The following SPOCK2 variants were observed in gnomAD, a reference collection of about 807,000 sequenced individuals.
The protein encoded by SPOCK2 is testican-2.
A neutral mutation model predicts 60.1 loss-of-function variants in SPOCK2; 39 were observed. That is an observed-to-expected ratio of 0.65 (90% CI 0.50 to 0.85). The LOEUF (loss-of-function observed/expected upper bound fraction) is 0.85, where lower values mean the gene tolerates loss of function less well. Ranked by LOEUF, SPOCK2 falls within the 40% of genes least tolerant of loss-of-function variation. The pLI, the probability that SPOCK2 is intolerant of heterozygous loss-of-function variation, is 0.00. For missense variants in SPOCK2, 523 were observed against 567.4 expected (o/e 0.92, Z 0.80); for synonymous variants, 217 against 231.5 (o/e 0.94, Z 0.57).
chr10:72,068,151 A>T (rs1840596716), intron 6 of SPOCK2, 36 bp downstream of exon 6: 1 of 1,582,512 alleles, frequency 6.3e-7, no homozygotes, highest in Non-Finnish European at 8.6e-7. Context: ...GTGGCCCTTC[A>T]GCACCCCTAG....
rs899079750 is a variant in SPOCK2, at chr10:72,087,357, G to C, written c.189+783C>G. Among the ~76,000 whole-genome samples, 1 of 152,152 alleles carries C rather than the reference G, an allele frequency of 6.6e-6. No homozygotes were observed. The highest frequency in any genetic ancestry group is 6.5e-5 in the Admixed American group (1 of 15,286). ...GGGGTTCGGGCGGCGCCCGCCGGGG[G>C]CCCCCAAACCCAGCTTCTGGACTCT... On this transcript the variant is annotated intron_variant, in intron 1 of 10. Transcript: ENST00000373109. This position sits in a 1 kb window ranked among gnomAD's most constrained non-coding sequence, Gnocchi z 4.7.
chr10:72,072,736 A>G, intron 2 of SPOCK2, 166 bp downstream of exon 2: 1 of 1,348,258 alleles, frequency 7.4e-7, no homozygotes, highest in Admixed American at 2.0e-5. Context: ...CTATAAACCC[A>G]TGTCCAGAAT....
chr10:72,064,286 G>A (rs201190500), intron 8 of SPOCK2, 46 bp from the exon 9 acceptor site: 3 of 1,520,686 alleles, frequency 2.0e-6, no homozygotes, highest in African/African-American at 1.4e-5. Flanking sequence ...CCCTGGTGCT[G>A]GGGGGATGCA....
intron 1 of SPOCK2, among the ~76,000 whole-genome samples, chr10:72,079,972 C>T (rs752323288): frequency 6.6e-6 from 1 of 152,066 alleles, no homozygotes; most frequent in Non-Finnish European, 1.5e-5. Flanking sequence ...GCAGAAGAAC[C>T]CAGGCAATCA....
chr10:72,078,793 G>A (rs1020457971), intron 1 of SPOCK2, among the ~76,000 whole-genome samples: 8 of 152,018 alleles, frequency 5.3e-5, no homozygotes, highest in East Asian at 3.9e-4. Context: ...TCATCTTCCC[G>A]AGCCCCACTC....
chr10:72,066,894 GC>G lies in SPOCK2; in HGVS notation c.928+7del. On this transcript the variant is annotated splice_region_variant and intron_variant, in intron 8 of 10. Coordinates refer to ENST00000373109, the MANE Select transcript of SPOCK2 (RefSeq NM_001244950.2). The stretch of plus-strand genomic sequence containing the variant: ...GAGGCAGGGGCCTGGGAGGGGGGCT[GC>G]ACTCACTCTCCCTCCAGAAGCAGAA... 6.2e-7 allele frequency: 1 copy of G among 1,614,022 alleles called. No homozygotes were observed. Among genetic ancestry groups the G allele is most frequent in the Non-Finnish European group, 8.5e-7 (1 of 1,179,974 alleles).
chr10:72,062,232 A>C lies in SPOCK2; in HGVS notation c.*528T>G. 1 of 154,524 alleles carries C rather than the reference A, an allele frequency of 6.5e-6. No homozygotes were observed. Among genetic ancestry groups the C allele is most frequent in the East Asian group, 1.9e-4 (1 of 5,178 alleles). The allele number at this position is 154,524 out of a possible 1,614,324, so 9.6% of individuals were successfully genotyped here. On this transcript the variant is annotated 3_prime_UTR_variant, in exon 11 of 11. Transcript: ENST00000373109. The surrounding 1 kb of genome is among the most constrained non-coding windows in gnomAD (Gnocchi z 4.3). ...CCCCTCCCTCCCCTTTGCAATGGGG[A>C]CAGGCTCGCAGGCCAGAGCTTGACC...
chr10:72,088,348 G>C lies in SPOCK2; in HGVS notation c.-20C>G, dbSNP rs562240063. Reference sequence around the variant, plus strand: ...GCGCATCGTGGTCTGGGTTCGACCTGGGGGGGTCTTGACTTCTGCAGTATT... The same window carrying C: ...GCGCATCGTGGTCTGGGTTCGACCTCGGGGGGTCTTGACTTCTGCAGTATT... On this transcript the variant is annotated 5_prime_UTR_variant, in exon 1 of 11. Transcript: ENST00000373109. 2 of 447,922 alleles carry C rather than the reference G, an allele frequency of 4.5e-6. No homozygotes were observed. Among genetic ancestry groups the C allele is most frequent in the Admixed American group, 9.7e-5 (1 of 10,338 alleles). The allele number at this position is 447,922 out of a possible 1,614,324, so 27.7% of individuals were successfully genotyped here.
At chr10:72,072,675 T>C in intron 2 of SPOCK2, 127 bp from the exon 3 acceptor site, 1 of 1,450,046 alleles carries the variant, frequency 6.9e-7, no homozygotes, top group Non-Finnish European at 9.5e-7. Context: ...TCCTGGTGGC[T>C]GACCCCTGTC....
chr10:72,061,724 G>A lies in SPOCK2; in HGVS notation c.*1036C>T, dbSNP rs757991129. The A allele has an allele frequency of 6.6e-6, 1 of 152,570 alleles. No individual in the cohort carries two copies. Among genetic ancestry groups the A allele is most frequent in the South Asian group, 2.1e-4 (1 of 4,828 alleles). The allele number at this position is 152,570 out of a possible 1,614,324, so 9.5% of individuals were successfully genotyped here. On this transcript the variant is annotated 3_prime_UTR_variant, in exon 11 of 11. Coordinates refer to ENST00000373109, the MANE Select transcript of SPOCK2 (RefSeq NM_001244950.2). ...TGGAGGCAGGAGTTGCACCAAGGGGGAGCCAGGCAGAGGTCAACTGTGTAA... is the reference window on the plus strand; with the variant it reads ...TGGAGGCAGGAGTTGCACCAAGGGGAAGCCAGGCAGAGGTCAACTGTGTAA...
chr10:72,064,235 G>C lies in SPOCK2; in HGVS notation c.934C>G (p.Pro312Ala). 1 of 1,596,070 alleles carries C rather than the reference G, an allele frequency of 6.3e-7. No homozygotes were observed. The highest frequency in any genetic ancestry group is 8.5e-7 in the Non-Finnish European group (1 of 1,173,702). The change falls in exon 9 of 11, where the codon CCC becomes GCC. Residue 312 changes from proline to alanine, a missense_variant. Pro to Ala is a conservative substitution (Grantham distance 27). Coordinates refer to ENST00000373109, the MANE Select transcript of SPOCK2 (RefSeq NM_001244950.2). ...WCFCFWREKP[P>A]CLAELERIQI... ...ATGCGCTCCAGCTCTGCCAGGCAGG[G>C]GGGCTCTGTGGGGAGAGAAGCAGCC...
Position 72,062,918 on chromosome 10 carries a change from C to A in SPOCK2, c.1130-13G>T. ...CCCACGATGTCATCTGTGAGGGGAT[C>A]AAGCCAACAGGGGGTGAGGGAGCTT... On this transcript the variant is annotated splice_polypyrimidine_tract_variant and intron_variant, in intron 10 of 10. Transcript: ENST00000373109. The surrounding 1 kb of genome is among the most constrained non-coding windows in gnomAD (Gnocchi z 4.3). 6.3e-7 allele frequency: 1 copy of A among 1,596,860 alleles called. No homozygotes were observed. Among genetic ancestry groups the A allele is most frequent in the Non-Finnish European group, 8.5e-7 (1 of 1,174,320 alleles).
At position 72,072,211 on chromosome 10, in the gene SPOCK2, G is replaced by A. The variant is rs1384912205; in HGVS notation, c.292C>T (p.His98Tyr). The A allele has an allele frequency of 1.3e-6, 2 of 1,553,514 alleles. No homozygotes were observed. Among genetic ancestry groups the A allele is most frequent in the African/African-American group, 1.4e-5 (1 of 73,342 alleles). The part of the protein sequence containing the change: ...DPCQKVKCSR[H>Y]KVCIAQGYQR... Reference sequence around the variant, plus strand: ...TAGCCCTGGGCAATGCACACCTTGTGGCGGCTGCACTTCACCTTCTGGCAG... The same window carrying A: ...TAGCCCTGGGCAATGCACACCTTGTAGCGGCTGCACTTCACCTTCTGGCAG... The change falls in exon 4 of 11, where the codon CAC (histidine) becomes TAC (tyrosine). Residue 98 changes from histidine (H) to tyrosine (Y), a missense_variant. Physicochemically the swap from His to Tyr is moderately conservative, Grantham distance 83. Transcript: ENST00000373109.
At position 72,070,425 on chromosome 10, in the gene SPOCK2, T is replaced by C; in HGVS notation, c.361A>G (p.Ile121Val). ...CISRKKLEHR[I>V]KQPTVKLHGN... ...TGGAGTTTCACGGTCGGCTGCTTGA[T>C]CCTACAGGAGAGGGTGGGGGGCACA... Residue 121 changes from isoleucine to valine, a missense_variant and splice_region_variant, in exon 5 of 11, where the codon ATC becomes GTC. By Grantham distance (29) the Ile-to-Val change is conservative. Transcript: ENST00000373109. The C allele has an allele frequency of 6.2e-7, 1 of 1,613,986 alleles. No homozygotes were observed. The highest frequency in any genetic ancestry group is 1.6e-4 in the Middle Eastern group (1 of 6,062).
At chr10:72,073,218 T>C (rs978683662) in intron 1 of SPOCK2, among the ~76,000 whole-genome samples, 3 of 152,200 alleles carry the variant, frequency 2.0e-5, no homozygotes, top group African/African-American at 7.2e-5. Flanking sequence ...CCAGGACAGA[T>C]GTCCGAGGTG....
At chr10:72,074,762 C>G (rs1047882685) in intron 1 of SPOCK2, among the ~76,000 whole-genome samples, 1 of 152,164 alleles carries the variant, frequency 6.6e-6, no homozygotes. Context: ...GAGCCCACGG[C>G]GGCTCTCTCC....
At chr10:72,072,600 C>G (rs765784729) in intron 2 of SPOCK2, 52 bp from the exon 3 acceptor site, 23 of 1,612,432 alleles carry the variant, frequency 1.4e-5, no homozygotes, top group Non-Finnish European at 1.9e-5. Flanking sequence ...ATCCATATCC[C>G]AGAGGTTCAA....
At position 72,073,572 on chromosome 10, in the gene SPOCK2, GC is replaced by G. The variant is rs765111139; in HGVS notation, c.190-663del. ...GGGTCCTACGAGGTCACCTGGTCCA[GC>G]CCCCCCTTTGTGCCGGAGAAAGCCC... is the stretch of plus-strand genomic sequence containing the variant. On this transcript the variant is annotated intron_variant, in intron 1 of 10. Transcript: ENST00000373109. Among the ~76,000 whole-genome samples, 4 of 152,156 alleles carry G rather than the reference GC, an allele frequency of 2.6e-5. No homozygotes were observed. The East Asian group carries it at 5.8e-4, about 22-fold the overall frequency.
Position 72,088,347 on chromosome 10 carries a change from TGG to T in SPOCK2, c.-21_-20del, listed in dbSNP as rs10713496. ...CGCGCATCGTGGTCTGGGTTCGACC[TGG>T]GGGGGTCTTGACTTCTGCAGTATTT... On this transcript the variant is annotated 5_prime_UTR_variant, in exon 1 of 11. Transcript: ENST00000373109. 6.5e-7 allele frequency: 1 copy of T among 1,530,548 alleles called. No homozygotes were observed. Among genetic ancestry groups the T allele is most frequent in the Non-Finnish European group, 8.7e-7 (1 of 1,143,826 alleles). 94.8% of individuals were successfully genotyped at this position (1,530,548 alleles called of 1,614,324 possible). A position where few individuals can be genotyped will look rare whatever the true frequency, so the allele number is the denominator to read the frequency against.
Sources: gnomAD v4.1 joint callset for allele counts (sites outside exome capture counted in the v4.1 genomes callset) on GRCh38, gnomAD v4.1.1 for gene constraint, Gnocchi (gnomAD v3.1) non-coding constraint, MANE v1.5 for transcripts, NCBI Gene and HGNC (gene_info 2026-07-23, HGNC 2026-07-21) for gene names.